MAMDC2: variants seen among roughly 807,000 people sequenced by gnomAD.
The protein encoded by MAMDC2 is MAM domain containing 2.
A neutral mutation model predicts 89.8 loss-of-function variants in MAMDC2; 57 were observed. The observed-to-expected ratio is 0.63, with a 90% CI of 0.51 to 0.79. The LOEUF is 0.79. Among genes scored for constraint, MAMDC2 ranks in the 30% least tolerant of loss-of-function variants. The pLI, the probability that MAMDC2 is intolerant of heterozygous loss-of-function variation, is 0.00. For missense variants in MAMDC2, 800 were observed against 820.6 expected, an observed-to-expected ratio of 0.97 and a Z score of 0.31; for synonymous variants, 313 against 293.4, an observed-to-expected ratio of 1.07 and a Z score of -0.68.
At chr9:70,141,913 C>T (rs1349441144) in intron 8 of MAMDC2, among the ~76,000 whole-genome samples, 1 of 152,186 alleles carries the variant, frequency 6.6e-6, no homozygotes, top group Non-Finnish European at 1.5e-5. Flanking sequence ...GAATGTTCCT[C>T]CCTTTCTGGG....
At chr9:70,051,536 T>C (rs1048513188) in intron 2 of MAMDC2, among the ~76,000 whole-genome samples, 2 of 152,336 alleles carry the variant, frequency 1.3e-5, no homozygotes, top group African/African-American at 4.8e-5. Context: ...AATATTTTGG[T>C]TCTTAAAATA....
At chr9:70,166,974 G>C (rs1312099795) in intron 9 of MAMDC2, among the ~76,000 whole-genome samples, 4 of 151,954 alleles carry the variant, frequency 2.6e-5, no homozygotes, top group African/African-American at 9.7e-5. Flanking sequence ...AACAAAAAAA[G>C]TTACTGCTAA....
At chr9:70,080,614 G>A (rs113017181) in intron 2 of MAMDC2, among the ~76,000 whole-genome samples, 2 of 152,158 alleles carry the variant, frequency 1.3e-5, no homozygotes, top group African/African-American at 2.4e-5. Flanking sequence ...TGGTTGGGCC[G>A]TGTGTGTATT....
chr9:70,102,619 A>T (rs568356655), intron 2 of MAMDC2, among the ~76,000 whole-genome samples: 1 of 152,296 alleles, frequency 6.6e-6, no homozygotes, highest in South Asian at 2.1e-4. Context: ...TGACAAGGAG[A>T]CATGTTCAGA....
intron 2 of MAMDC2, among the ~76,000 whole-genome samples, chr9:70,099,902 G>C (rs945260885): frequency 6.6e-6 from 1 of 151,952 alleles, no homozygotes. Context: ...TTGAACCTGG[G>C]AGGTGGAGGT....
intron 2 of MAMDC2, among the ~76,000 whole-genome samples, chr9:70,052,573 C>T (rs945033381): frequency 1.3e-5 from 2 of 152,160 alleles, no homozygotes; most frequent in Non-Finnish European, 2.9e-5. Flanking sequence ...TTCTTATTGG[C>T]ATCTCCTGAT....
rs1250402376 is a variant in MAMDC2 at position 70,079,931 on chromosome 9, A to G, written c.149-28280A>G. ...TGAATGAAAGTTTGTCTGCAAACAG[A>G]GCTTCTTGGTGGTTAGATGTTGTGT... On this transcript the variant is annotated intron_variant, in intron 2 of 13. Transcript: ENST00000377182. Among the ~76,000 whole-genome samples, 3 of 152,058 alleles carry G rather than the reference A, an allele frequency of 2.0e-5. No individual in the cohort carries two copies. The East Asian group carries it at 5.8e-4, about 29-fold the overall frequency.
At chr9:70,145,433 C>T (rs141655680) in intron 9 of MAMDC2, among the ~76,000 whole-genome samples, 2 of 152,206 alleles carry the variant, frequency 1.3e-5, no homozygotes, top group Admixed American at 6.5e-5. Context: ...ATTGAACTTT[C>T]CTCTTCGATT....
At chr9:70,147,929 A>G (rs569215725) in intron 9 of MAMDC2, 1 of 150,548 alleles carries the variant, frequency 6.6e-6, no homozygotes, top group African/African-American at 2.5e-5. Context: ...TTGGATGAGA[A>G]CCATTGGTCT....
intron 12 of MAMDC2, among the ~76,000 whole-genome samples, chr9:70,219,959 A>C (rs2182737): frequency 0.86 from 130,382 of 152,186 alleles, 56,094 homozygotes; most frequent in East Asian, 0.96. Flanking sequence ...AATTCACTTA[A>C]AATGCAAATT....
At chr9:70,221,922 G>C (rs1308049208) in intron 12 of MAMDC2, among the ~76,000 whole-genome samples, 2 of 152,136 alleles carry the variant, frequency 1.3e-5, no homozygotes, top group African/African-American at 4.8e-5. Flanking sequence ...TGTTCCAAAA[G>C]CAGTAAGAAG....
chr9:70,148,690 T>C (rs2031482259), intron 9 of MAMDC2, among the ~76,000 whole-genome samples: 1 of 146,064 alleles, frequency 6.8e-6, no homozygotes, highest in South Asian at 2.2e-4. Flanking sequence ...AGGTCAGGAG[T>C]TGGAGACCAG....
chr9:70,202,148 A>G (rs1244504660), intron 11 of MAMDC2, among the ~76,000 whole-genome samples: 12 of 151,292 alleles, frequency 7.9e-5, no homozygotes, highest in Non-Finnish European at 1.0e-4. Flanking sequence ...GTGATGTTAG[A>G]GTGTCAATTT....
intron 9 of MAMDC2, among the ~76,000 whole-genome samples, chr9:70,159,908 G>C (rs909013263): frequency 6.6e-6 from 1 of 152,002 alleles, no homozygotes; most frequent in Non-Finnish European, 1.5e-5. Flanking sequence ...CAGCCCGGAG[G>C]CCTATTAGAA....
chr9:70,114,327 G>A (rs1460051542), intron 5 of MAMDC2, among the ~76,000 whole-genome samples: 2 of 149,392 alleles, frequency 1.3e-5, no homozygotes, highest in Non-Finnish European at 3.0e-5. Context: ...CCAATGAGTT[G>A]CTGCTGTGTG....
chr9:70,140,883 T>C (rs764156508), intron 8 of MAMDC2, among the ~76,000 whole-genome samples: 14 of 152,208 alleles, frequency 9.2e-5, no homozygotes, highest in Non-Finnish European at 1.5e-4. Context: ...GATGGATATA[T>C]TTACAAGGAG....
chr9:70,088,375 TTTTAG>T (rs1827818259), intron 2 of MAMDC2: 1 of 152,116 alleles, frequency 6.6e-6, no homozygotes, highest in Non-Finnish European at 1.5e-5. Context: ...ACTAGAGGTA[TTTTAG>T]GAGGCTGGCT....
chr9:70,124,493 G>A (rs1162714733), intron 5 of MAMDC2, among the ~76,000 whole-genome samples: 1 of 152,138 alleles, frequency 6.6e-6, no homozygotes, highest in African/African-American at 2.4e-5. Context: ...AGGAGAAAGT[G>A]AGCTTTGACC....
chr9:70,089,194 A>T (rs1827835364), intron 2 of MAMDC2: 1 of 152,136 alleles, frequency 6.6e-6, no homozygotes. Context: ...TGGTTAACAG[A>T]GAGAGTAAAC....
Sources: allele counts gnomAD v4.1 joint callset (sites outside exome capture counted in the v4.1 genomes callset), GRCh38; gene constraint gnomAD v4.1.1; transcripts MANE v1.5; gene names NCBI Gene and HGNC (gene_info 2026-07-23, HGNC 2026-07-21).